ZNG1A: variants seen among roughly 807,000 people sequenced by gnomAD.
The protein encoded by ZNG1A is Zn regulated GTPase metalloprotein activator 1A.
the ZNG1A span, among the ~76,000 whole-genome samples, chr9:173,759 C>T: frequency 6.6e-6 from 1 of 152,104 alleles, no homozygotes; most frequent in East Asian, 1.9e-4. Flanking sequence ...AAGAGACTGC[C>T]TTATCTATCT....
At chr9:149,552 T>C in the ZNG1A span, 1 of 151,364 alleles carries the variant, frequency 6.6e-6, no homozygotes, top group Non-Finnish European at 1.5e-5. Flanking sequence ...TATTTTCCTA[T>C]TATTATAGAA....
the ZNG1A span, chr9:146,460 C>T: frequency 7.9e-6 from 2 of 253,374 alleles, no homozygotes; most frequent in Admixed American, 1.2e-4. Flanking sequence ...CAGCTTATTA[C>T]TCAAAAGATG....
chr9:175,729 T>C, the ZNG1A span: 1 of 1,578,734 alleles, frequency 6.3e-7, no homozygotes, highest in Non-Finnish European at 8.6e-7. Flanking sequence ...TGACCGCTAC[T>C]CTTTTACTAT....
At chr9:150,123 T>A in the ZNG1A span, 1 of 116,902 alleles carries the variant, frequency 8.6e-6, no homozygotes, top group East Asian at 2.6e-4. Context: ...CCGGTTTTGT[T>A]TTTTTTTTTT....
At chr9:132,015 C>CA in the ZNG1A span, among the ~76,000 whole-genome samples, 68,709 of 139,130 alleles carry the variant, frequency 0.49, 18,067 homozygotes, top group Non-Finnish European at 0.55. Flanking sequence ...TTCTTCCCGT[C>CA]AAAAAAAATC....
the ZNG1A span, chr9:172,145 A>T: frequency 3.7e-6 from 6 of 1,611,180 alleles, no homozygotes; most frequent in Non-Finnish European, 5.1e-6. Flanking sequence ...TTTGCATCAA[A>T]TTCTCAATAG....
the ZNG1A span, among the ~76,000 whole-genome samples, chr9:125,020 G>T: frequency 6.6e-6 from 1 of 152,158 alleles, no homozygotes; most frequent in Non-Finnish European, 1.5e-5. Flanking sequence ...ATAAACATGC[G>T]TGTGCACGTA....
the ZNG1A span, chr9:154,718 G>C: frequency 6.3e-7 from 1 of 1,597,246 alleles, no homozygotes; most frequent in Non-Finnish European, 8.5e-7. Context: ...CCTAATTGTC[G>C]TTCTTAATTT....
At chr9:125,729 TGA>T in the ZNG1A span, among the ~76,000 whole-genome samples, 1 of 65,464 alleles carries the variant, frequency 1.5e-5, no homozygotes, top group African/African-American at 6.6e-5. Context: ...TTGTATACAG[TGA>T]GAGAGGAGGA....
the ZNG1A span, chr9:150,116 G>GTTTTTTTTTTTTTTTTTTTTTTT: frequency 2.0e-5 from 2 of 101,388 alleles, 1 homozygote. Context: ...CAAATCTCCG[G>GTTTTTTTTTTTTTTTTTTTTTTT]TTTTGTTTTT....
At chr9:172,191 T>A in the ZNG1A span, 8 of 1,609,694 alleles carry the variant, frequency 5.0e-6, no homozygotes, top group Middle Eastern at 2.3e-4. Context: ...TACCAAAACA[T>A]AATTTACAGT....
chr9:172,979 T>G, the ZNG1A span: 2 of 311,710 alleles, frequency 6.4e-6, no homozygotes, highest in Non-Finnish European at 1.2e-5. Context: ...CAGATTAAAT[T>G]CAGAATAATC....
chr9:138,995 T>C, the ZNG1A span, among the ~76,000 whole-genome samples: 2 of 149,218 alleles, frequency 1.3e-5, no homozygotes, highest in East Asian at 1.9e-4. Flanking sequence ...TTAAGCAAAA[T>C]TGTCCCACCA....
At chr9:178,248 G>A in the ZNG1A span, among the ~76,000 whole-genome samples, 1 of 150,934 alleles carries the variant, frequency 6.6e-6, no homozygotes, top group African/African-American at 2.4e-5. Context: ...AGTCTTGGAG[G>A]ACAGAGATTT....
the ZNG1A span, among the ~76,000 whole-genome samples, chr9:140,526 C>T: frequency 2.0e-5 from 3 of 151,736 alleles, no homozygotes; most frequent in Non-Finnish European, 4.4e-5. Flanking sequence ...TCACCATCAT[C>T]AAAGACCAAA....
At chr9:147,431 T>C in the ZNG1A span, 7 of 108,770 alleles carry the variant, frequency 6.4e-5, no homozygotes, top group Non-Finnish European at 1.1e-4. Flanking sequence ...CTGTGCCTGC[T>C]TTCTTTATTC....
the ZNG1A span, among the ~76,000 whole-genome samples, chr9:130,400 C>T: frequency 9.9e-5 from 13 of 131,424 alleles, no homozygotes; most frequent in Non-Finnish European, 1.9e-4. Flanking sequence ...TCGCAAAATA[C>T]GACTCCAAAT....
chr9:139,184 A>C, the ZNG1A span, among the ~76,000 whole-genome samples: 4 of 150,088 alleles, frequency 2.7e-5, no homozygotes, highest in Admixed American at 2.7e-4. Context: ...AATATTATTC[A>C]GACTTAAAAA....
the ZNG1A span, chr9:148,829 T>C: frequency 4.7e-5 from 7 of 148,432 alleles, no homozygotes. Context: ...GGGTTTTGGC[T>C]CTCCAAGGTG....
Sources: allele counts gnomAD v4.1 joint callset (sites outside exome capture counted in the v4.1 genomes callset), GRCh38; gene constraint gnomAD v4.1.1; transcripts MANE v1.5; gene names NCBI Gene and HGNC (gene_info 2026-07-23, HGNC 2026-07-21).